Variants in EVA1C observed in about 807,000 individuals in gnomAD.
EVA1C encodes the protein eva-1 homolog C.
In EVA1C, 25 loss-of-function variants were observed where a neutral mutation model predicts 45.4. That is an observed-to-expected ratio of 0.55 (90% confidence interval 0.40 to 0.77). The LOEUF (loss-of-function observed/expected upper bound fraction) is 0.77. Ranked by LOEUF, EVA1C falls within the 30% of genes least tolerant of loss-of-function variation. EVA1C has a pLI of 0.00. For synonymous variants in EVA1C, 190 were observed against 221.2 expected (o/e 0.86, Z 1.25); for missense variants, 479 against 554.8 (o/e 0.86, Z 1.37).
intron 3 of EVA1C, among the ~76,000 whole-genome samples, chr21:32,465,032 C>T (rs1430501888): frequency 6.6e-6 from 1 of 151,866 alleles, no homozygotes; most frequent in Non-Finnish European, 1.5e-5. Context: ...ACTTTTTGGC[C>T]CAGTGGAACA....
intron 4 of EVA1C, among the ~76,000 whole-genome samples, chr21:32,471,850 G>A (rs80291137): frequency 2.0e-5 from 3 of 151,236 alleles, no homozygotes; most frequent in African/African-American, 7.3e-5. Context: ...GGATGGTCTC[G>A]ATCTCCTGAC....
At chr21:32,511,419 C>CAAAAAAAAAAAAAAAAAA (rs749141703) in intron 7 of EVA1C, among the ~76,000 whole-genome samples, 5 of 47,568 alleles carry the variant, frequency 1.1e-4, no homozygotes, top group Non-Finnish European at 1.5e-4. Context: ...AACTCCGTCT[C>CAAAAAAAAAAAAAAAAAA]AAAAAAAAAA....
chr21:32,419,547 T>G (rs2034180983), intron 1 of EVA1C, among the ~76,000 whole-genome samples: 2 of 152,152 alleles, frequency 1.3e-5, no homozygotes, highest in East Asian at 1.9e-4. Flanking sequence ...AAACCCCATC[T>G]GTACTAAAAA....
intron 4 of EVA1C, among the ~76,000 whole-genome samples, chr21:32,485,207 G>A (rs1601396269): frequency 6.6e-6 from 1 of 151,672 alleles, no homozygotes; most frequent in African/African-American, 2.4e-5. Flanking sequence ...TTTTGAAATA[G>A]TCTCACTCTG....
At chr21:32,465,823 AT>A (rs1234732629) in intron 3 of EVA1C, among the ~76,000 whole-genome samples, 7 of 152,192 alleles carry the variant, frequency 4.6e-5, no homozygotes, top group Admixed American at 3.9e-4. Context: ...ATTTAAAGAT[AT>A]CTTTATTAAG....
intron 7 of EVA1C, among the ~76,000 whole-genome samples, chr21:32,508,477 AAC>A (rs2037845988): frequency 6.6e-6 from 1 of 152,198 alleles, no homozygotes; most frequent in African/African-American, 2.4e-5. Flanking sequence ...CTGAAAGAGA[AAC>A]ACAAAAACAC....
intron 7 of EVA1C, among the ~76,000 whole-genome samples, chr21:32,506,175 T>A (rs1337068799): frequency 6.6e-6 from 1 of 150,654 alleles, no homozygotes; most frequent in African/African-American, 2.4e-5. Context: ...GTTTAGTGAC[T>A]ATCTCTCCTG....
rs971757982 is a variant in EVA1C at position 32,412,838 on chromosome 21, C to T, written c.-16C>T. On this transcript the variant is annotated 5_prime_UTR_variant, in exon 1 of 8. Coordinates refer to ENST00000300255, the MANE Select transcript of EVA1C (RefSeq NM_058187.5). Reference sequence around the variant, plus strand: ...GCGTCCCGGGCCTGCGCCTCCGCCCCGCCGCGCAGCGCACGATGCTTCTGC... The same window carrying T: ...GCGTCCCGGGCCTGCGCCTCCGCCCTGCCGCGCAGCGCACGATGCTTCTGC... 5.6e-6 allele frequency: 8 copies of T among 1,422,430 alleles called. No homozygotes were observed. The highest frequency in any genetic ancestry group is 7.3e-6 in the Non-Finnish European group (8 of 1,096,094). The allele number at this position is 1,422,430 out of a possible 1,614,324, so 88.1% of individuals were successfully genotyped here.
At chr21:32,458,543 G>A (rs1001609802) in intron 3 of EVA1C, among the ~76,000 whole-genome samples, 5 of 150,382 alleles carry the variant, frequency 3.3e-5, no homozygotes, top group Admixed American at 1.3e-4. Context: ...AGTGCAATGC[G>A]CAATCTCGGC....
chr21:32,483,736 T>C (rs1304669873), intron 4 of EVA1C, among the ~76,000 whole-genome samples: 2 of 152,176 alleles, frequency 1.3e-5, no homozygotes, highest in African/African-American at 2.4e-5. Flanking sequence ...AGGCTGTCCA[T>C]TTCAGACCAT....
intron 7 of EVA1C, among the ~76,000 whole-genome samples, chr21:32,506,843 G>T (rs1160337067): frequency 6.6e-6 from 1 of 152,140 alleles, no homozygotes; most frequent in Non-Finnish European, 1.5e-5. Context: ...ACTCTCAGTC[G>T]CATCCCCGGC....
At position 32,515,115 on chromosome 21, in the gene EVA1C, G is replaced by A. The variant is rs1275653637; in HGVS notation, c.1251G>A (p.Glu417=). ...AELAERIERR[E]QIIQEIWMNS... is the part of the protein sequence containing the mutation. ...TCGCAGAAAGGATTGAGCGCAGGGA[G>A]CAAATCATTCAGGAAATATGGATGA... Residue 417 remains glutamate, a synonymous_variant, in exon 8 of 8, where the codon GAG becomes GAA. Coordinates refer to ENST00000300255, the MANE Select transcript of EVA1C (RefSeq NM_058187.5). The A allele has an allele frequency of 1.2e-6, 2 of 1,613,934 alleles. No individual in the cohort carries two copies.
intron 3 of EVA1C, among the ~76,000 whole-genome samples, chr21:32,461,814 T>C (rs147353044): frequency 1.1e-3 from 164 of 152,294 alleles, no homozygotes; most frequent in African/African-American, 3.6e-3. Context: ...ACCTCCCAAA[T>C]TGCATCCCTT....
At chr21:32,498,617 G>C (rs1045743512) in intron 5 of EVA1C, among the ~76,000 whole-genome samples, 4 of 152,016 alleles carry the variant, frequency 2.6e-5, no homozygotes, top group Non-Finnish European at 5.9e-5. Context: ...CTTGGGGGTG[G>C]TGGTTTAATT....
chr21:32,469,917 T>A (rs2036309193), intron 4 of EVA1C, among the ~76,000 whole-genome samples: 1 of 152,176 alleles, frequency 6.6e-6, no homozygotes, highest in South Asian at 2.1e-4. Flanking sequence ...CAGCAACATC[T>A]GGGCTGGTGT....
At chr21:32,470,264 G>C (rs1002166203) in intron 4 of EVA1C, among the ~76,000 whole-genome samples, 2 of 152,224 alleles carry the variant, frequency 1.3e-5, no homozygotes, top group Non-Finnish European at 2.9e-5. Context: ...TGAGTCTCAA[G>C]AGAAAACAAA....
In EVA1C at chr21:32,467,905, A is replaced by AATATATAT. The variant is rs34623485; in HGVS notation, c.634+66_634+73dup. On this transcript the variant is annotated intron_variant, in intron 4 of 7. Transcript: ENST00000300255. ...TTCTCTAGAGGGACAGAATTAATAG[A>AATATATAT]ATATATATATATATATCCTATATAT... The AATATATAT allele has an allele frequency of 5.9e-5, 61 of 1,025,414 alleles. No homozygotes were observed. The Middle Eastern group carries it at 7.6e-4, about 13-fold the overall frequency. The allele number at this position is 1,025,414 out of a possible 1,614,324, so 63.5% of individuals were successfully genotyped here. A position where few individuals can be genotyped will look rare whatever the true frequency, so the allele number is the denominator to read the frequency against.
In EVA1C at chr21:32,478,212, A is replaced by C. The variant is rs187844967; in HGVS notation, c.634+10364A>C. Among the ~76,000 whole-genome samples, 55 of 151,140 alleles carry C rather than the reference A, an allele frequency of 3.6e-4. No homozygotes were observed. In the East Asian group the frequency reaches 0.011, roughly 29 times the overall value. ...GATAGGGTCTTTAAAGAGATAATTAAGTTTTATATATATATATATTTTTTG... is the reference window on the plus strand; with the variant it reads ...GATAGGGTCTTTAAAGAGATAATTACGTTTTATATATATATATATTTTTTG... On this transcript the variant is annotated intron_variant, in intron 4 of 7. Coordinates refer to ENST00000300255, the MANE Select transcript of EVA1C (RefSeq NM_058187.5).
At chr21:32,448,967 A>AAGGAG (rs59401752) in intron 1 of EVA1C, among the ~76,000 whole-genome samples, 1 of 143,958 alleles carries the variant, frequency 6.9e-6, no homozygotes, top group African/African-American at 2.6e-5. Flanking sequence ...AAGAGAAAGA[A>AAGGAG]AAAGAAAGAA....
Sources: allele counts gnomAD v4.1 joint callset (sites outside exome capture counted in the v4.1 genomes callset), GRCh38; gene constraint gnomAD v4.1.1; transcripts MANE v1.5; gene names NCBI Gene and HGNC (gene_info 2026-07-23, HGNC 2026-07-21).